Variants in PRUNE2 observed in about 807,000 individuals in gnomAD.
PRUNE2 encodes prune homolog 2 with BCH domain.
A neutral mutation model predicts 252.0 loss-of-function variants in PRUNE2; 164 were observed. The ratio of observed to expected loss-of-function variants is 0.65; its 90% confidence interval spans 0.57 to 0.74. The LOEUF is 0.74. PRUNE2 is among the 30% of genes least tolerant of loss of function. The pLI is 0.00. For missense variants in PRUNE2, 3,495 were observed against 3,711.0 expected, an observed-to-expected ratio of 0.94 and a Z score of 1.51; for synonymous variants, 1,292 against 1,350.2, an observed-to-expected ratio of 0.96 and a Z score of 0.94.
intron 9 of PRUNE2, chr9:76,692,538 A>G (rs11145009): frequency 0.51 from 86,839 of 170,810 alleles, 23,646 homozygotes; most frequent in Middle Eastern, 0.65. Context: ...TGAATGAACA[A>G]TGGTTAAGAT....
At chr9:76,830,574 C>G (rs1394087552) in intron 4 of PRUNE2, among the ~76,000 whole-genome samples, 1 of 151,574 alleles carries the variant, frequency 6.6e-6, no homozygotes, top group East Asian at 1.9e-4. Flanking sequence ...ATCACTTGAA[C>G]CTGGGAGGCA....
chr9:76,792,655 CTACT>C (rs1325019212), intron 6 of PRUNE2, among the ~76,000 whole-genome samples: 2 of 152,172 alleles, frequency 1.3e-5, no homozygotes, highest in Admixed American at 6.5e-5. Flanking sequence ...ATTTTGTCCA[CTACT>C]TAAAGATAAA....
intron 6 of PRUNE2, among the ~76,000 whole-genome samples, chr9:76,813,574 G>A (rs2057496335): frequency 1.3e-5 from 2 of 152,198 alleles, no homozygotes; most frequent in African/African-American, 2.4e-5. Flanking sequence ...CACTTATATT[G>A]TTGACAAACA....
chr9:76,903,302 GTC>G (rs2063288311), intron 1 of PRUNE2, among the ~76,000 whole-genome samples: 1 of 151,548 alleles, frequency 6.6e-6, no homozygotes, highest in Non-Finnish European at 1.5e-5. Context: ...CTTTGGAGGA[GTC>G]ATTAACTATT....
At chr9:76,825,363 G>A (rs1284656559) in intron 5 of PRUNE2, among the ~76,000 whole-genome samples, 1 of 152,126 alleles carries the variant, frequency 6.6e-6, no homozygotes, top group African/African-American at 2.4e-5. Context: ...TCCCTCAGGT[G>A]GGACAGAGTT....
intron 1 of PRUNE2, among the ~76,000 whole-genome samples, chr9:76,860,629 A>G (rs2132786339): frequency 6.6e-6 from 1 of 152,296 alleles, no homozygotes; most frequent in South Asian, 2.1e-4. Context: ...AAATTTTTGG[A>G]ACACTTTTTT....
chr9:76,902,412 TGG>T (rs1271489557), intron 1 of PRUNE2, among the ~76,000 whole-genome samples: 1 of 152,172 alleles, frequency 6.6e-6, no homozygotes, highest in Non-Finnish European at 1.5e-5. Flanking sequence ...CAACTCTGAA[TGG>T]GCAGGAGAAA....
chr9:76,654,516 T>C (rs560743528), intron 10 of PRUNE2, among the ~76,000 whole-genome samples: 9 of 152,238 alleles, frequency 5.9e-5, no homozygotes, highest in Non-Finnish European at 1.0e-4. Context: ...GTTCTATATT[T>C]GGCTATTGAG....
chr9:76,905,974 G>C lies in PRUNE2; in HGVS notation c.-11C>G. On this transcript the variant is annotated 5_prime_UTR_variant, in exon 1 of 19. Coordinates refer to ENST00000376718, the MANE Select transcript of PRUNE2 (RefSeq NM_015225.3). ...CAAAAATTCTTCCATGTCGTGGCTA[G>C]GGGTTTGGAACCCGGGTACTCGGAG... The C allele has an allele frequency of 1.2e-6, 2 of 1,614,154 alleles. No homozygotes were observed. The highest frequency in any genetic ancestry group is 1.7e-6 in the Non-Finnish European group (2 of 1,179,966).
chr9:76,621,203 CAT>C (rs1832174731), intron 17 of PRUNE2, among the ~76,000 whole-genome samples: 1 of 152,112 alleles, frequency 6.6e-6, no homozygotes, highest in Admixed American at 6.6e-5. Flanking sequence ...CTGAACAAGT[CAT>C]GTGGAAAGTC....
intron 14 of PRUNE2, 55 bp from the exon 15 acceptor site, chr9:76,636,612 T>C: frequency 1.1e-6 from 1 of 914,596 alleles, no homozygotes; most frequent in Non-Finnish European, 1.7e-6. Flanking sequence ...TCAGTGGGAA[T>C]TAAAACATAA....
At chr9:76,903,404 C>A (rs1173153665) in intron 1 of PRUNE2, among the ~76,000 whole-genome samples, 1 of 151,478 alleles carries the variant, frequency 6.6e-6, no homozygotes, top group Non-Finnish European at 1.5e-5. Flanking sequence ...AGTAATTAGG[C>A]TTTTTTGTTT....
At chr9:76,682,653 G>A (rs2043598038) in intron 9 of PRUNE2, among the ~76,000 whole-genome samples, 1 of 152,142 alleles carries the variant, frequency 6.6e-6, no homozygotes, top group African/African-American at 2.4e-5. Context: ...ATGGGCGTGA[G>A]CCACTGTGCC....
At chr9:76,702,218 CA>C (rs1428245873) in intron 9 of PRUNE2, among the ~76,000 whole-genome samples, 6 of 152,096 alleles carry the variant, frequency 3.9e-5, no homozygotes, top group Non-Finnish European at 5.9e-5. Flanking sequence ...GCCACCACCC[CA>C]GCTAAGTTTT....
At chr9:76,777,748 G>C (rs1041446676) in intron 6 of PRUNE2, among the ~76,000 whole-genome samples, 1 of 152,234 alleles carries the variant, frequency 6.6e-6, no homozygotes, top group African/African-American at 2.4e-5. Flanking sequence ...AAGGTGGATA[G>C]AGAATATCAG....
intron 9 of PRUNE2, chr9:76,687,623 C>T (rs1224491042): frequency 7.8e-5 from 33 of 421,612 alleles, no homozygotes; most frequent in Non-Finnish European, 4.8e-6. Flanking sequence ...CTTTCTGATA[C>T]TCACTGTTTG....
chr9:76,688,456 G>A (rs1011860740), intron 9 of PRUNE2, among the ~76,000 whole-genome samples: 1 of 152,196 alleles, frequency 6.6e-6, no homozygotes, highest in South Asian at 2.1e-4. Flanking sequence ...CAAGGCTGCA[G>A]GTTCTCAGAC....
intron 6 of PRUNE2, among the ~76,000 whole-genome samples, chr9:76,723,833 A>C (rs1303362523): frequency 7.1e-6 from 1 of 140,700 alleles, no homozygotes; most frequent in Non-Finnish European, 1.5e-5. Context: ...TTTGAGATGG[A>C]GTATCGCTCT....
At chr9:76,855,776 A>G (rs1333017354) in intron 1 of PRUNE2, among the ~76,000 whole-genome samples, 1 of 152,196 alleles carries the variant, frequency 6.6e-6, no homozygotes, top group African/African-American at 2.4e-5. Context: ...GAAGATAATT[A>G]CAATCCCCTC....
Sources: allele counts gnomAD v4.1 joint callset (sites outside exome capture counted in the v4.1 genomes callset), GRCh38; gene constraint gnomAD v4.1.1; transcripts MANE v1.5; gene names NCBI Gene and HGNC (gene_info 2026-07-23, HGNC 2026-07-21).